GPC5: variants seen among roughly 807,000 people sequenced by gnomAD.
GPC5 encodes the protein glypican-5.
GPC5 carries 47 observed loss-of-function variants against 53.9 expected under a neutral mutation model. The observed-to-expected ratio is 0.87, with a 90% CI of 0.69 to 1.11. The LOEUF is 1.11. Ranked by LOEUF, GPC5 falls within the 50% of genes most tolerant of loss-of-function variation. The probability of loss-of-function intolerance (pLI) is 0.00; values close to 1 mark genes in which losing one functional copy is unlikely to be tolerated. For missense variants in GPC5, 748 were observed against 713.1 expected, an observed-to-expected ratio of 1.05 and a Z score of -0.56; for synonymous variants, 286 against 263.3, an observed-to-expected ratio of 1.09 and a Z score of -0.84.
chr13:92,509,399 G>C (rs950424430), intron 7 of GPC5: 1 of 152,038 alleles, frequency 6.6e-6, no homozygotes, highest in Non-Finnish European at 1.5e-5. Context: ...CTCTGCTATT[G>C]TCTCATTATC....
intron 7 of GPC5, among the ~76,000 whole-genome samples, chr13:92,543,426 GT>G (rs35241884): frequency 0.46 from 64,881 of 141,454 alleles, 14,579 homozygotes; most frequent in African/African-American, 0.57. Context: ...TTATTTTGAT[GT>G]TTTTTTTCTG....
At chr13:92,343,339 C>T (rs186463426) in intron 7 of GPC5, among the ~76,000 whole-genome samples, 44 of 152,232 alleles carry the variant, frequency 2.9e-4, no homozygotes, top group Admixed American at 5.2e-4. Context: ...TTCAATTGCC[C>T]TATATTATGA....
chr13:92,850,669 A>C (rs570494612), intron 7 of GPC5, among the ~76,000 whole-genome samples: 1 of 152,258 alleles, frequency 6.6e-6, no homozygotes, highest in East Asian at 1.9e-4. Context: ...TAAAGAAGAA[A>C]GGTCTATAAA....
chr13:92,226,849 C>T (rs2042490584), intron 7 of GPC5, among the ~76,000 whole-genome samples: 1 of 151,994 alleles, frequency 6.6e-6, no homozygotes, highest in South Asian at 2.1e-4. Flanking sequence ...ATCCATCTGC[C>T]TCAGCCTCCC....
chr13:91,559,148 T>C (rs2031120465), intron 2 of GPC5, among the ~76,000 whole-genome samples: 1 of 152,110 alleles, frequency 6.6e-6, no homozygotes, highest in African/African-American at 2.4e-5. Flanking sequence ...AGTGTTGAGC[T>C]CTTTGTGTAT....
intron 7 of GPC5, among the ~76,000 whole-genome samples, chr13:92,469,987 A>G (rs975194618): frequency 6.6e-6 from 1 of 152,182 alleles, no homozygotes; most frequent in Non-Finnish European, 1.5e-5. Flanking sequence ...TGAATATTTT[A>G]TAACTATCAG....
rs2043792066 is a variant in GPC5, at chr13:92,385,461, C to CATATATACACATATAT, written c.1561+240473_1561+240474insTATATACACATATATA. On this transcript the variant is annotated intron_variant, in intron 7 of 7. Coordinates refer to ENST00000377067, the MANE Select transcript of GPC5 (RefSeq NM_004466.6). The stretch of plus-strand genomic sequence containing the variant: ...ACATATATACATATATACATATATA[C>CATATATACACATATAT]ACATATATACATATATACATATATA... 4.0e-4 allele frequency among the ~76,000 whole-genome samples: 28 copies of CATATATACACATATAT among 70,436 alleles called. 4 individuals are homozygous for CATATATACACATATAT. Among genetic ancestry groups the CATATATACACATATAT allele is most frequent in the African/African-American group, 1.1e-3 (22 of 20,488 alleles). 46.2% of individuals were successfully genotyped at this position (70,436 alleles called of 152,430 possible).
At chr13:92,073,532 C>A (rs1051615930) in intron 6 of GPC5, among the ~76,000 whole-genome samples, 7 of 152,098 alleles carry the variant, frequency 4.6e-5, no homozygotes, top group African/African-American at 1.7e-4. Flanking sequence ...TCTAGTTCTT[C>A]GCAGTGTTCA....
intron 5 of GPC5, among the ~76,000 whole-genome samples, chr13:91,894,320 C>T (rs887468695): frequency 2.0e-5 from 3 of 152,066 alleles, no homozygotes; most frequent in African/African-American, 7.2e-5. Context: ...TATTTCAACA[C>T]TTGCAGTAAA....
At chr13:92,294,798 T>C (rs555872217) in intron 7 of GPC5, among the ~76,000 whole-genome samples, 22 of 150,490 alleles carry the variant, frequency 1.5e-4, no homozygotes, top group African/African-American at 4.4e-4. Flanking sequence ...GATTATCTGT[T>C]TGTGCTGTTT....
intron 5 of GPC5, among the ~76,000 whole-genome samples, chr13:91,762,873 G>C (rs1315804338): frequency 6.6e-6 from 1 of 151,972 alleles, no homozygotes; most frequent in Non-Finnish European, 1.5e-5. Flanking sequence ...TTGAATCTTA[G>C]GGGTATGAAT....
chr13:91,427,033 C>T (rs375626373), intron 1 of GPC5, among the ~76,000 whole-genome samples: 2 of 152,278 alleles, frequency 1.3e-5, no homozygotes, highest in East Asian at 3.9e-4. Flanking sequence ...GGAACCTTGG[C>T]CTAGATTTCA....
At position 92,150,891 on chromosome 13, in the gene GPC5, TAAA is replaced by T. The variant is rs5805730; in HGVS notation, c.1561+5915_1561+5917del. On this transcript the variant is annotated intron_variant, in intron 7 of 7. Transcript: ENST00000377067. ...GTAACTATATGATCAATAGAGGAAG[TAAA>T]AAAAAAAAAAAATTCAAGCAAATAT... Among the ~76,000 whole-genome samples, 34 of 145,034 alleles carry T rather than the reference TAAA, an allele frequency of 2.3e-4. 1 individual carries two copies. Among genetic ancestry groups the T allele is most frequent in the South Asian group, 1.1e-3 (5 of 4,710 alleles).
At chr13:91,850,649 C>T (rs986270574) in intron 5 of GPC5, among the ~76,000 whole-genome samples, 19 of 151,868 alleles carry the variant, frequency 1.3e-4, no homozygotes, top group Admixed American at 6.6e-4. Context: ...GAATTAGGTC[C>T]TCTTCCTTTT....
rs568900985 is a variant in GPC5, at chr13:92,570,587, T to C, written c.1562-295695T>C. 2.0e-4 allele frequency among the ~76,000 whole-genome samples: 30 copies of C among 152,246 alleles called. No homozygotes were observed. The South Asian group carries it at 6.2e-3, about 32-fold the overall frequency. Reference sequence around the variant, plus strand: ...CTGATTTCTGGTTAAAGATTTATTTTACTTAGTTGATATAATTAACCTTCA... The same window carrying C: ...CTGATTTCTGGTTAAAGATTTATTTCACTTAGTTGATATAATTAACCTTCA... On this transcript the variant is annotated intron_variant, in intron 7 of 7. Transcript: ENST00000377067.
At chr13:91,725,018 C>T (rs938169690) in intron 3 of GPC5, 34 of 152,150 alleles carry the variant, frequency 2.2e-4, no homozygotes, top group African/African-American at 8.2e-4. Context: ...GGGGGAGGCT[C>T]TAAAGATAAG....
At chr13:92,093,304 C>G (rs2041395591) in intron 6 of GPC5, among the ~76,000 whole-genome samples, 1 of 152,086 alleles carries the variant, frequency 6.6e-6, no homozygotes, top group African/African-American at 2.4e-5. Flanking sequence ...GGTATTATTA[C>G]AAATCCCAAT....
In GPC5 at chr13:92,394,282, C is replaced by T. The variant is rs866270029; in HGVS notation, c.1561+249293C>T. 3.3e-5 allele frequency among the ~76,000 whole-genome samples: 5 copies of T among 152,022 alleles called. No individual in the cohort carries two copies. In the South Asian group the frequency reaches 6.2e-4, roughly 19 times the overall value. On this transcript the variant is annotated intron_variant, in intron 7 of 7. Coordinates refer to ENST00000377067, the MANE Select transcript of GPC5 (RefSeq NM_004466.6). Reference sequence around the variant, plus strand: ...TCTATACATATTTTGTGTGTGTGTACGTATTGTTGTGGACTGAATATTTGT... The same window carrying T: ...TCTATACATATTTTGTGTGTGTGTATGTATTGTTGTGGACTGAATATTTGT...
At chr13:92,693,808 T>C (rs1282946745) in intron 7 of GPC5, among the ~76,000 whole-genome samples, 1 of 152,110 alleles carries the variant, frequency 6.6e-6, no homozygotes, top group African/African-American at 2.4e-5. Flanking sequence ...CAAATTTGCA[T>C]AAGTAAATGA....
Sources: gnomAD v4.1 joint callset for allele counts (sites outside exome capture counted in the v4.1 genomes callset) on GRCh38, gnomAD v4.1.1 for gene constraint, MANE v1.5 for transcripts, NCBI Gene and HGNC (gene_info 2026-07-23, HGNC 2026-07-21) for gene names.